The following LPP variants were observed in gnomAD, a reference collection of about 807,000 sequenced individuals.
The protein encoded by LPP is lipoma-preferred partner.
LPP carries 38 observed loss-of-function variants against 60.4 expected under a neutral mutation model. That is an observed-to-expected ratio of 0.63 (90% CI 0.49 to 0.83). The LOEUF is 0.83. Among genes scored for constraint, LPP ranks in the 40% least tolerant of loss-of-function variants. LPP has a pLI of 0.00. For missense variants in LPP, 902 were observed against 783.6 expected (o/e 1.15, Z -1.80); for synonymous variants, 328 against 290.8 (o/e 1.13, Z -1.30).
At chr3:188,693,610 A>G (rs1238729468) in intron 7 of LPP, among the ~76,000 whole-genome samples, 1 of 152,124 alleles carries the variant, frequency 6.6e-6, no homozygotes, top group Non-Finnish European at 1.5e-5. Flanking sequence ...TTGTTTGTCG[A>G]GGAAAAGGAA....
intron 2 of LPP, among the ~76,000 whole-genome samples, chr3:188,321,995 G>A (rs370487658): frequency 1.8e-4 from 28 of 152,126 alleles, no homozygotes; most frequent in East Asian, 1.2e-3. Context: ...TGTCATCTCA[G>A]CTTATGATAA....
intron 6 of LPP, among the ~76,000 whole-genome samples, chr3:188,539,667 G>A (rs183752238): frequency 6.2e-3 from 947 of 152,268 alleles, no homozygotes; most frequent in Non-Finnish European, 9.9e-3. Flanking sequence ...ACACATTTCA[G>A]AGTTGACATG....
intron 4 of LPP, among the ~76,000 whole-genome samples, chr3:188,437,222 G>A (rs1325393819): frequency 6.6e-6 from 1 of 152,150 alleles, no homozygotes; most frequent in African/African-American, 2.4e-5. Flanking sequence ...TTTTTCTGTA[G>A]GATTCAGGCC....
chr3:188,677,737 C>G (rs993590095), intron 7 of LPP, among the ~76,000 whole-genome samples: 2 of 152,114 alleles, frequency 1.3e-5, no homozygotes. Context: ...TCTATCTTAC[C>G]AAATCACAAT....
chr3:188,840,166 C>T (rs1028795338), intron 9 of LPP, among the ~76,000 whole-genome samples: 1 of 152,034 alleles, frequency 6.6e-6, no homozygotes, highest in Admixed American at 6.6e-5. Context: ...TCCAAGAAAC[C>T]CACGATTTCT....
chr3:188,521,102 GA>G (rs1402538840), intron 5 of LPP, among the ~76,000 whole-genome samples: 1 of 151,830 alleles, frequency 6.6e-6, no homozygotes, highest in East Asian at 1.9e-4. Context: ...ACTCAAGAGT[GA>G]AAAAAAGGCC....
chr3:188,880,707 A>G lies in LPP; in HGVS notation c.*6228A>G, dbSNP rs768146415. The G allele has an allele frequency of 9.7e-5, 18 of 185,476 alleles. No homozygotes were observed. The highest frequency in any genetic ancestry group is 1.4e-4 in the Non-Finnish European group (12 of 87,534). The allele number at this position is 185,476 out of a possible 1,614,324, so 11.5% of individuals were successfully genotyped here. ...ATAAAAACGTTATTAAACAGCCACA[A>G]TCGCATTCAGTCAACTTGGCACTGA... On this transcript the variant is annotated 3_prime_UTR_variant, in exon 12 of 12. Transcript: ENST00000617246.
intron 8 of LPP, chr3:188,710,673 G>A (rs993727108): frequency 2.0e-5 from 3 of 151,938 alleles, no homozygotes; most frequent in Non-Finnish European, 2.9e-5. Flanking sequence ...GAAAAATAAG[G>A]TCTCTGTATT....
At chr3:188,671,811 C>T (rs1409170332) in intron 7 of LPP, among the ~76,000 whole-genome samples, 3 of 152,170 alleles carry the variant, frequency 2.0e-5, no homozygotes, top group Non-Finnish European at 4.4e-5. Context: ...GCAGGAGACT[C>T]TAGGCCCGGA....
chr3:188,611,794 T>A (rs1843767101), intron 7 of LPP, among the ~76,000 whole-genome samples: 1 of 152,192 alleles, frequency 6.6e-6, no homozygotes, highest in Admixed American at 6.5e-5. Flanking sequence ...TGTTGTTTTC[T>A]CACTAAGTCA....
chr3:188,180,509 G>A (rs937844518), intron 1 of LPP: 3 of 154,276 alleles, frequency 1.9e-5, no homozygotes, highest in African/African-American at 7.2e-5. Flanking sequence ...AAGACTTAAG[G>A]CAAAAACAAA....
intron 2 of LPP, among the ~76,000 whole-genome samples, chr3:188,236,503 A>G (rs1721980515): frequency 6.6e-6 from 1 of 152,224 alleles, no homozygotes; most frequent in Admixed American, 6.5e-5. Flanking sequence ...AAAAGTGGTC[A>G]TGCATGCCAA....
At chr3:188,552,581 C>T (rs1325202535) in intron 6 of LPP, among the ~76,000 whole-genome samples, 5 of 152,152 alleles carry the variant, frequency 3.3e-5, no homozygotes, top group South Asian at 4.1e-4. Context: ...AGCAGAGCTT[C>T]GTTCCTTTCT....
intron 5 of LPP, among the ~76,000 whole-genome samples, chr3:188,493,467 CTTTCTTTTCTTCT>C (rs1457641820): frequency 1.3e-5 from 2 of 151,892 alleles, no homozygotes; most frequent in Non-Finnish European, 2.9e-5. Context: ...GGATTTTCTT[CTTTCTTTTCTTCT>C]TTTCTTTTCC....
At chr3:188,192,922 A>G (rs1728574871) in intron 1 of LPP, among the ~76,000 whole-genome samples, 1 of 152,204 alleles carries the variant, frequency 6.6e-6, no homozygotes, top group Non-Finnish European at 1.5e-5. Flanking sequence ...CAATACCTTC[A>G]GCAAGACCAT....
chr3:188,889,738 AATT>A lies in LPP; in HGVS notation c.*15260_*15262del, dbSNP rs1683201741. 4.6e-6 allele frequency: 1 copy of A among 219,434 alleles called. No individual in the cohort carries two copies. The highest frequency in any genetic ancestry group is 9.1e-6 in the Non-Finnish European group (1 of 109,450). The allele number at this position is 219,434 out of a possible 1,614,324, so 13.6% of individuals were successfully genotyped here. ...TGAGGTTGGAACAGCTATGTTTCAT[AATT>A]TCAAGAGTGTGACCACCCTGCTCTA... On this transcript the variant is annotated 3_prime_UTR_variant, in exon 12 of 12. Transcript: ENST00000617246.
At chr3:188,309,835 C>T (rs1453077360) in intron 2 of LPP, among the ~76,000 whole-genome samples, 3 of 152,058 alleles carry the variant, frequency 2.0e-5, no homozygotes, top group African/African-American at 7.2e-5. Context: ...ATTAGAAGAA[C>T]TTGGCTATCG....
chr3:188,673,988 T>C (rs921042361), intron 7 of LPP, among the ~76,000 whole-genome samples: 4 of 152,096 alleles, frequency 2.6e-5, no homozygotes, highest in African/African-American at 9.7e-5. Flanking sequence ...CTTACTCCTT[T>C]GTAGTGTAGG....
chr3:188,213,960 A>AG (rs1281707377), intron 1 of LPP, among the ~76,000 whole-genome samples: 1 of 123,788 alleles, frequency 8.1e-6, no homozygotes, highest in Non-Finnish European at 1.7e-5. Context: ...ATTAGATTTT[A>AG]AACACACACA....
Sources: allele counts gnomAD v4.1 joint callset (sites outside exome capture counted in the v4.1 genomes callset), GRCh38; gene constraint gnomAD v4.1.1; transcripts MANE v1.5; gene names NCBI Gene and HGNC (gene_info 2026-07-23, HGNC 2026-07-21).